The following ARHGEF3 variants were observed in gnomAD, a reference collection of about 807,000 sequenced individuals.
The protein encoded by ARHGEF3 is 59.8 kDA protein.
In ARHGEF3, 28 loss-of-function variants were observed where a neutral mutation model predicts 63.2. The ratio of observed to expected loss-of-function variants is 0.44; its 90% CI spans 0.33 to 0.61. The LOEUF (loss-of-function observed/expected upper bound fraction) is 0.61, where lower values mean the gene tolerates loss of function less well. ARHGEF3 is among the 20% of genes least tolerant of loss of function. The pLI, the probability that ARHGEF3 is intolerant of heterozygous loss-of-function variation, is 0.03. For missense variants in ARHGEF3, 533 were observed against 659.3 expected (o/e 0.81, Z 2.10); for synonymous variants, 266 against 254.2 (o/e 1.05, Z -0.44).
rs566599546 is a variant in ARHGEF3, at chr3:56,913,250, A to G, written c.130-30896T>C. ...ATGGGATAATATATTTGCATATAATATATCTGAAAAGAGATTAATATTCAG... is the reference window on the plus strand; with the variant it reads ...ATGGGATAATATATTTGCATATAATGTATCTGAAAAGAGATTAATATTCAG... On this transcript the variant is annotated intron_variant, in intron 3 of 12. Transcript: ENST00000338458. Among the ~76,000 whole-genome samples the G allele has an allele frequency of 3.3e-5, 5 of 152,336 alleles. No homozygotes were observed. In the East Asian group the frequency reaches 7.7e-4, roughly 23 times the overall value.
At chr3:57,012,904 G>C (rs546118767) in intron 2 of ARHGEF3, among the ~76,000 whole-genome samples, 10 of 152,224 alleles carry the variant, frequency 6.6e-5, no homozygotes, top group African/African-American at 2.4e-4. Context: ...GGCAGGAACC[G>C]GGGCTGCGCA....
intron 3 of ARHGEF3, among the ~76,000 whole-genome samples, chr3:56,945,113 C>G (rs1699413343): frequency 6.6e-6 from 1 of 152,088 alleles, no homozygotes; most frequent in African/African-American, 2.4e-5. Context: ...TCATTGTTAT[C>G]TTATTTTAAG....
chr3:56,729,420 T>C lies in ARHGEF3; in HGVS notation c.1431A>G (p.Leu477=). 4 of 1,614,158 alleles carry C rather than the reference T, an allele frequency of 2.5e-6. No individual in the cohort carries two copies. The highest frequency in any genetic ancestry group is 2.5e-6 in the Non-Finnish European group (3 of 1,180,018). Residue 477 remains leucine, a synonymous_variant, in exon 10 of 10, where the codon CTA becomes CTG. Transcript: ENST00000296315. ...FLNPTTGSRE[L]QGETKLEQMD... ...TCTGCTCAAGTTTTGTTTCTCCCTG[T>C]AGCTCTCTGCTCCCGGTGGTGGGAT...
At chr3:56,960,484 A>AAGATG in intron 2 of ARHGEF3, 1 of 152,358 alleles carries the variant, frequency 6.6e-6, no homozygotes, top group South Asian at 2.1e-4. Flanking sequence ...GTGTTGAGTC[A>AAGATG]AGATGAGATG....
chr3:56,995,266 TG>T (rs1701926046), intron 2 of ARHGEF3, among the ~76,000 whole-genome samples: 1 of 151,652 alleles, frequency 6.6e-6, no homozygotes. Context: ...GTCTGGGGGG[TG>T]GAGTTCAGTG....
At chr3:56,740,361 T>C (rs955922146) in intron 7 of ARHGEF3, among the ~76,000 whole-genome samples, 8 of 152,186 alleles carry the variant, frequency 5.3e-5, no homozygotes, top group African/African-American at 1.9e-4. Context: ...ATATTAAATG[T>C]AAATCCTGTA....
chr3:57,021,907 G>C (rs546734500), intron 2 of ARHGEF3, among the ~76,000 whole-genome samples: 1 of 152,136 alleles, frequency 6.6e-6, no homozygotes, highest in South Asian at 2.1e-4. Flanking sequence ...CAAAAATATA[G>C]TAATAATAAA....
chr3:56,856,536 C>T (rs1370964755), intron 4 of ARHGEF3, among the ~76,000 whole-genome samples: 1 of 151,512 alleles, frequency 6.6e-6, no homozygotes, highest in Non-Finnish European at 1.5e-5. Flanking sequence ...TCCTTGGGTC[C>T]CCCTCCCCCT....
intron 4 of ARHGEF3, among the ~76,000 whole-genome samples, chr3:56,863,570 G>A (rs781191781): frequency 8.5e-5 from 13 of 152,156 alleles, no homozygotes; most frequent in Non-Finnish European, 1.5e-4. Flanking sequence ...AAAGCACTGG[G>A]ATTATAGGTG....
intron 4 of ARHGEF3, among the ~76,000 whole-genome samples, chr3:56,834,238 T>A (rs997955905): frequency 1.3e-4 from 20 of 152,102 alleles, no homozygotes; most frequent in African/African-American, 4.8e-4. Flanking sequence ...CTATACACAT[T>A]AAAATAGTTA....
intron 2 of ARHGEF3, among the ~76,000 whole-genome samples, chr3:56,981,489 G>A (rs886889971): frequency 2.6e-5 from 4 of 152,044 alleles, no homozygotes; most frequent in Middle Eastern, 3.2e-3. Context: ...TGTCCTTCAC[G>A]GCTTCCTCAG....
At chr3:56,924,891 C>A (rs982021847) in intron 3 of ARHGEF3, among the ~76,000 whole-genome samples, 1 of 152,206 alleles carries the variant, frequency 6.6e-6, no homozygotes, top group Non-Finnish European at 1.5e-5. Flanking sequence ...AGCTCCTATT[C>A]AAGATGGAGT....
chr3:56,999,372 C>T (rs34597334), intron 2 of ARHGEF3, among the ~76,000 whole-genome samples: 2 of 152,076 alleles, frequency 1.3e-5, no homozygotes, highest in African/African-American at 4.8e-5. Flanking sequence ...TAATCATACA[C>T]TTATCTAAGA....
chr3:56,886,129 G>A (rs2040919046), intron 3 of ARHGEF3, among the ~76,000 whole-genome samples: 1 of 152,196 alleles, frequency 6.6e-6, no homozygotes, highest in Non-Finnish European at 1.5e-5. Flanking sequence ...CTAAGACAGA[G>A]GCTAGCAGGG....
intron 1 of ARHGEF3, among the ~76,000 whole-genome samples, chr3:57,051,347 T>A (rs1704660641): frequency 6.6e-6 from 1 of 151,674 alleles, no homozygotes; most frequent in South Asian, 2.1e-4. Context: ...ATTAGCCAGG[T>A]GTGGTGGTGC....
At chr3:56,745,911 T>C (rs920320429) in intron 6 of ARHGEF3, among the ~76,000 whole-genome samples, 1 of 152,208 alleles carries the variant, frequency 6.6e-6, no homozygotes, top group African/African-American at 2.4e-5. Flanking sequence ...GACCTCGTGA[T>C]CCGCCCGCCT....
At position 56,793,484 on chromosome 3, in the gene ARHGEF3, G is replaced by A. The variant is rs139921559; in HGVS notation, c.96+8219C>T. ...GTGCCCAGCAATTTTTGTATTTTTA[G>A]TAGAGACTGGGTTTTACCATGTTGG... On this transcript the variant is annotated intron_variant, in intron 1 of 9. Transcript: ENST00000296315. Among the ~76,000 whole-genome samples, 3 of 151,006 alleles carry A rather than the reference G, an allele frequency of 2.0e-5. No homozygotes were observed. The East Asian group carries it at 5.8e-4, about 29-fold the overall frequency.
intron 3 of ARHGEF3, among the ~76,000 whole-genome samples, chr3:56,886,878 C>G (rs1253993199): frequency 6.6e-6 from 1 of 152,170 alleles, no homozygotes; most frequent in Non-Finnish European, 1.5e-5. Flanking sequence ...GGATTCAAAT[C>G]CAGGTCTTTC....
intron 4 of ARHGEF3, among the ~76,000 whole-genome samples, chr3:56,815,144 T>G (rs989602523): frequency 2.0e-4 from 29 of 143,164 alleles, no homozygotes; most frequent in Non-Finnish European, 9.1e-5. Context: ...ACCCCACCTC[T>G]AAAAAAATTA....
Sources: allele counts gnomAD v4.1 joint callset (sites outside exome capture counted in the v4.1 genomes callset), GRCh38; gene constraint gnomAD v4.1.1; transcripts MANE v1.5; gene names NCBI Gene and HGNC (gene_info 2026-07-23, HGNC 2026-07-21).